CPNE8: variants seen among roughly 807,000 people sequenced by gnomAD.
The protein encoded by CPNE8 is copine-8.
CPNE8 carries 45 observed loss-of-function variants against 81.5 expected under a neutral mutation model. The ratio of observed to expected loss-of-function variants is 0.55; its 90% CI spans 0.44 to 0.71. CPNE8 has a LOEUF of 0.71. Ranked by LOEUF, CPNE8 falls within the 30% of genes least tolerant of loss-of-function variation. The pLI is 0.00. For synonymous variants in CPNE8, 252 were observed against 226.3 expected, an observed-to-expected ratio of 1.11 and a Z score of -1.02; for missense variants, 594 against 672.1, an observed-to-expected ratio of 0.88 and a Z score of 1.28.
At chr12:38,902,114 T>C (rs1944471963) in intron 1 of CPNE8, among the ~76,000 whole-genome samples, 1 of 148,390 alleles carries the variant, frequency 6.7e-6, no homozygotes, top group Non-Finnish European at 1.5e-5. Context: ...ATAAAGCTTT[T>C]AATGATAGGG....
intron 2 of CPNE8, 31 bp from the exon 3 acceptor site, chr12:38,873,081 AATGTC>A: frequency 7.4e-7 from 1 of 1,347,008 alleles, no homozygotes; most frequent in Non-Finnish European, 1.0e-6. Context: ...CGCACATATA[AATGTC>A]TTTTATGAAA....
chr12:38,752,103 TA>T (rs1469584380), intron 10 of CPNE8, among the ~76,000 whole-genome samples: 4 of 152,212 alleles, frequency 2.6e-5, no homozygotes, highest in Non-Finnish European at 5.9e-5. Context: ...TTTCATGTCA[TA>T]AAACTATAAA....
At chr12:38,860,275 C>A (rs539268079) in intron 3 of CPNE8, among the ~76,000 whole-genome samples, 2 of 146,150 alleles carry the variant, frequency 1.4e-5, no homozygotes, top group East Asian at 2.0e-4. Flanking sequence ...AGAAGATACA[C>A]AAATGGTCAA....
chr12:38,895,247 C>T (rs1345940356), intron 1 of CPNE8, among the ~76,000 whole-genome samples: 1 of 151,874 alleles, frequency 6.6e-6, no homozygotes, highest in African/African-American at 2.4e-5. Flanking sequence ...AATGAATTTG[C>T]CATGAAGGGA....
intron 6 of CPNE8, among the ~76,000 whole-genome samples, chr12:38,816,515 TG>T (rs1312268760): frequency 5.9e-5 from 9 of 152,146 alleles, no homozygotes; most frequent in African/African-American, 2.2e-4. Flanking sequence ...GAGCAACTAT[TG>T]AAGGTTCTTT....
At chr12:38,673,620 A>T (rs1277641667) in intron 18 of CPNE8, among the ~76,000 whole-genome samples, 1 of 152,128 alleles carries the variant, frequency 6.6e-6, no homozygotes, top group Non-Finnish European at 1.5e-5. Flanking sequence ...TCCCATTAGA[A>T]CTTCCATCAT....
intron 6 of CPNE8, among the ~76,000 whole-genome samples, chr12:38,779,902 T>C (rs1942010158): frequency 6.6e-6 from 1 of 152,096 alleles, no homozygotes; most frequent in Non-Finnish European, 1.5e-5. Flanking sequence ...GACATATGGA[T>C]AACTAGCAAA....
chr12:38,806,026 A>C (rs1279619693), intron 6 of CPNE8, among the ~76,000 whole-genome samples: 1 of 150,374 alleles, frequency 6.7e-6, no homozygotes, highest in African/African-American at 2.4e-5. Context: ...ATTCCTTGAC[A>C]CATACACCCT....
In CPNE8 at chr12:38,856,064, G is replaced by C. The variant is rs139520380; in HGVS notation, c.187-7402C>G. ...AAAAATGATCATAAGGGACTATTAT[G>C]AACAACTTTAGCCAACAAATTGAAT... On this transcript the variant is annotated intron_variant, in intron 3 of 19. Coordinates refer to ENST00000331366, the MANE Select transcript of CPNE8 (RefSeq NM_153634.3). Among the ~76,000 whole-genome samples the C allele has an allele frequency of 8.4e-3, 1,274 of 151,978 alleles. 9 individuals are homozygous for C. Among genetic ancestry groups the C allele is most frequent in the Admixed American group, 0.012 (182 of 15,270 alleles).
intron 6 of CPNE8, among the ~76,000 whole-genome samples, chr12:38,817,248 A>G (rs958741795): frequency 6.6e-6 from 1 of 152,224 alleles, no homozygotes; most frequent in Non-Finnish European, 1.5e-5. Flanking sequence ...TCAATTCAAA[A>G]CAATGATTTT....
chr12:38,798,423 C>G (rs372304873), intron 6 of CPNE8, among the ~76,000 whole-genome samples: 1 of 152,060 alleles, frequency 6.6e-6, no homozygotes, highest in Non-Finnish European at 1.5e-5. Flanking sequence ...GAATTTTCAA[C>G]CCAGAATTTC....
chr12:38,759,050 C>T (rs2136843569), intron 10 of CPNE8, among the ~76,000 whole-genome samples: 1 of 152,310 alleles, frequency 6.6e-6, no homozygotes, highest in Non-Finnish European at 1.5e-5. Context: ...ATACTCTTGT[C>T]TCTAATTCTA....
intron 16 of CPNE8, among the ~76,000 whole-genome samples, chr12:38,684,784 C>T (rs1939495582): frequency 6.6e-6 from 1 of 152,076 alleles, no homozygotes; most frequent in Non-Finnish European, 1.5e-5. Flanking sequence ...TATGCAATTT[C>T]TAATTATCTC....
intron 4 of CPNE8, among the ~76,000 whole-genome samples, chr12:38,841,924 AGGAG>A (rs950373657): frequency 6.6e-6 from 1 of 152,152 alleles, no homozygotes; most frequent in African/African-American, 2.4e-5. Flanking sequence ...TTTTTAAATA[AGGAG>A]GAAGTTAATT....
intron 10 of CPNE8, among the ~76,000 whole-genome samples, chr12:38,750,507 T>G (rs1941334651): frequency 6.6e-6 from 1 of 152,190 alleles, no homozygotes; most frequent in Non-Finnish European, 1.5e-5. Context: ...GCCCAAGACC[T>G]GGGAACCCAC....
chr12:38,815,382 T>C (rs943351895), intron 6 of CPNE8, among the ~76,000 whole-genome samples: 8 of 152,242 alleles, frequency 5.3e-5, no homozygotes, highest in Non-Finnish European at 5.9e-5. Flanking sequence ...ATATTAGTTG[T>C]CATATTTATT....
At position 38,738,881 on chromosome 12, in the gene CPNE8, T is replaced by A. The variant is rs146696630; in HGVS notation, c.723-8523A>T. Among the ~76,000 whole-genome samples, 695 of 151,272 alleles carry A rather than the reference T, an allele frequency of 4.6e-3. 5 individuals are homozygous for A. Among genetic ancestry groups the A allele is most frequent in the African/African-American group, 0.016 (645 of 41,192 alleles). On this transcript the variant is annotated intron_variant, in intron 10 of 19. Transcript: ENST00000331366. ...CATACTGGAATGCAGTGGCATGATC[T>A]TGGTTCACTGCAGCCTCCAACTCTC...
At chr12:38,879,431 G>A (rs1407936433) in intron 1 of CPNE8, among the ~76,000 whole-genome samples, 1 of 151,648 alleles carries the variant, frequency 6.6e-6, no homozygotes, top group African/African-American at 2.4e-5. Context: ...GCCAAACTAA[G>A]GAAAAAATCC....
intron 6 of CPNE8, among the ~76,000 whole-genome samples, chr12:38,789,018 G>A (rs1052522389): frequency 6.6e-6 from 1 of 151,660 alleles, no homozygotes; most frequent in Non-Finnish European, 1.5e-5. Flanking sequence ...GTTAAAATGT[G>A]CATCCTACCC....
Sources: allele counts gnomAD v4.1 joint callset (sites outside exome capture counted in the v4.1 genomes callset), GRCh38; gene constraint gnomAD v4.1.1; transcripts MANE v1.5; gene names NCBI Gene and HGNC (gene_info 2026-07-23, HGNC 2026-07-21).